The following SLC22A12 variants were observed in gnomAD, a reference collection of about 807,000 sequenced individuals.
The protein encoded by SLC22A12 is organic anion transporter 4-like protein.
In SLC22A12, 56 loss-of-function variants were observed where a neutral mutation model predicts 52.7. That is an observed-to-expected ratio of 1.06 (90% CI 0.86 to 1.33). SLC22A12 has a LOEUF of 1.33. Ranked by LOEUF, SLC22A12 falls within the 40% of genes most tolerant of loss-of-function variation. The pLI is 0.00. For missense variants in SLC22A12, 683 were observed against 741.5 expected, an observed-to-expected ratio of 0.92 and a Z score of 0.92; for synonymous variants, 337 against 324.6, an observed-to-expected ratio of 1.04 and a Z score of -0.41.
Position 64,600,879 on chromosome 11 carries a change from G to T in SLC22A12, c.1539G>T (p.Leu513=). Residue 513 remains leucine (L), a synonymous_variant, in exon 9 of 10, where the codon CTG becomes CTT. Transcript: ENST00000377574. ...CAGTGCTGAGTGGCCTGGCCGCACT[G>T]CTTCTGCCCGAGACCCAGAGCTTGC... The part of the protein sequence containing the change: ...TVPVLSGLAA[L]LLPETQSLPL... The T allele has an allele frequency of 6.2e-7, 1 of 1,609,486 alleles. No homozygotes were observed.
intron 8 of SLC22A12, 78 bp downstream of exon 8, chr11:64,600,553 C>T: frequency 7.2e-7 from 1 of 1,387,370 alleles, no homozygotes; most frequent in South Asian, 1.3e-5. Context: ...ACTGGCTTCT[C>T]CCAGACCTAG....
At position 64,591,338 on chromosome 11, in the gene SLC22A12, C is replaced by T. The variant is rs928266176; in HGVS notation, c.-219C>T. 2.1e-5 allele frequency: 13 copies of T among 615,132 alleles called. No individual in the cohort carries two copies. Among genetic ancestry groups the T allele is most frequent in the Admixed American group, 6.0e-5 (2 of 33,570 alleles). The allele number at this position is 615,132 out of a possible 1,614,324, so 38.1% of individuals were successfully genotyped here. A position where few individuals can be genotyped will look rare whatever the true frequency, so the allele number is the denominator to read the frequency against. Reference sequence around the variant, plus strand: ...CTGGAGGTCTCGGAATCACCTCACGCGGCCTCAGGGCCCAGTTGGAGCCAC... The same window carrying T: ...CTGGAGGTCTCGGAATCACCTCACGTGGCCTCAGGGCCCAGTTGGAGCCAC... On this transcript the variant is annotated 5_prime_UTR_variant, in exon 1 of 10. Transcript: ENST00000377574.
intron 4 of SLC22A12, among the ~76,000 whole-genome samples, chr11:64,596,658 G>A (rs1177690929): frequency 2.0e-5 from 3 of 152,226 alleles, no homozygotes; most frequent in Non-Finnish European, 4.4e-5. Flanking sequence ...TTGGAGTGGA[G>A]TAACAATTTG....
Position 64,591,398 on chromosome 11 carries a change from C to G in SLC22A12, c.-159C>G. ...CACCAGCAGGCAGATGACCAGAGAG[C>G]CTGAGCCTCCGGCCCCGAGTCTGTG... On this transcript the variant is annotated 5_prime_UTR_variant, in exon 1 of 10. Coordinates refer to ENST00000377574, the MANE Select transcript of SLC22A12 (RefSeq NM_144585.4). 1 of 961,706 alleles carries G rather than the reference C, an allele frequency of 1.0e-6. No homozygotes were observed. Among genetic ancestry groups the G allele is most frequent in the Non-Finnish European group, 1.5e-6 (1 of 653,040 alleles). The allele number at this position is 961,706 out of a possible 1,614,324, so 59.6% of individuals were successfully genotyped here. A position where few individuals can be genotyped will look rare whatever the true frequency, so the allele number is the denominator to read the frequency against.
At chr11:64,592,297 C>A (rs2135441209) in intron 1 of SLC22A12, among the ~76,000 whole-genome samples, 1 of 152,306 alleles carries the variant, frequency 6.6e-6, no homozygotes, top group Non-Finnish European at 1.5e-5. Flanking sequence ...GACTCAGTGA[C>A]AATTCACTGG....
At chr11:64,592,978 C>A in intron 2 of SLC22A12, 96 bp downstream of exon 2, 1 of 1,194,596 alleles carries the variant, frequency 8.4e-7, no homozygotes. Flanking sequence ...CTCACAAAAC[C>A]AAGTCTAGAA....
intron 4 of SLC22A12, among the ~76,000 whole-genome samples, chr11:64,594,053 C>T (rs1325804923): frequency 1.3e-5 from 2 of 152,236 alleles, no homozygotes; most frequent in Non-Finnish European, 2.9e-5. Context: ...TTATTCTTCT[C>T]TTTTCCTCCC....
intron 5 of SLC22A12, 61 bp downstream of exon 5, chr11:64,598,700 C>T: frequency 5.0e-6 from 8 of 1,599,282 alleles, no homozygotes; most frequent in Non-Finnish European, 6.8e-6. Flanking sequence ...CTGCATAGGG[C>T]ACCCTGGGAG....
At chr11:64,595,094 A>AGT (rs2039084106) in intron 4 of SLC22A12, among the ~76,000 whole-genome samples, 2 of 40,070 alleles carry the variant, frequency 5.0e-5, no homozygotes, top group Non-Finnish European at 9.8e-5. Flanking sequence ...ATAGATGGAA[A>AGT]GGATGGATGG....
intron 7 of SLC22A12, 84 bp downstream of exon 7, chr11:64,599,974 T>C: frequency 1.3e-6 from 2 of 1,491,244 alleles, no homozygotes; most frequent in Admixed American, 1.9e-5. Context: ...TTGGAGGTGC[T>C]GGACTAGAGC....
chr11:64,596,827 C>A (rs1677226357), intron 4 of SLC22A12, among the ~76,000 whole-genome samples: 1 of 152,166 alleles, frequency 6.6e-6, no homozygotes, highest in African/African-American at 2.4e-5. Flanking sequence ...TTCCAAGGCA[C>A]CCCTCCTGGT....
chr11:64,594,346 G>A (rs755706669), intron 4 of SLC22A12, among the ~76,000 whole-genome samples: 36 of 152,260 alleles, frequency 2.4e-4, no homozygotes, highest in Non-Finnish European at 4.0e-4. Flanking sequence ...ACAGAGGGCC[G>A]GCATGTGTGG....
chr11:64,593,836 G>A (rs778468095), intron 4 of SLC22A12, 33 bp downstream of exon 4: 2 of 1,596,860 alleles, frequency 1.3e-6, no homozygotes, highest in Non-Finnish European at 1.7e-6. Context: ...CTCCTCAGAG[G>A]AGATCCTGCC....
In SLC22A12 at chr11:64,591,825, G is replaced by A. The variant is rs121907896; in HGVS notation, c.269G>A (p.Arg90His). The A allele has an allele frequency of 1.0e-4, 166 of 1,612,014 alleles. 1 individual carries two copies. In the East Asian group the frequency reaches 2.7e-3, roughly 26 times the overall value. The change falls in exon 1 of 10, where the codon CGC (arginine) becomes CAC (histidine). Residue 90 changes from arginine (R) to histidine (H), a missense_variant. Coordinates refer to ENST00000377574, the MANE Select transcript of SLC22A12 (RefSeq NM_144585.4). Reference protein sequence around the residue: ...GPNQRPHQCRRFRQPQWQLLD... With the variant: ...GPNQRPHQCRHFRQPQWQLLD... ...AACCAGAGGCCCCACCAGTGCCGCC[G>A]CTTCCGCCAGCCACAGTGGCAGCTC...
At position 64,601,466 on chromosome 11, in the gene SLC22A12, C is replaced by T. The variant is rs752948291; in HGVS notation, c.1599-22C>T. 1.9e-6 allele frequency: 3 copies of T among 1,612,042 alleles called. No homozygotes were observed. In the Admixed American group the frequency reaches 5.0e-5, roughly 27 times the overall value. On this transcript the variant is annotated intron_variant, in intron 9 of 9. Coordinates refer to ENST00000377574, the MANE Select transcript of SLC22A12 (RefSeq NM_144585.4). ...GGGCCACTCCGCACCCCAAGACACA[C>T]CCCCGTGTGCTTCCTGAACAGGGCA...
chr11:64,598,777 G>C (rs2039338645), intron 5 of SLC22A12, 31 bp from the exon 6 acceptor site: 2 of 1,611,626 alleles, frequency 1.2e-6, no homozygotes, highest in Non-Finnish European at 1.7e-6. Context: ...GGCGCCCCCA[G>C]TGCCAACAGC....
intron 6 of SLC22A12, 32 bp from the exon 7 acceptor site, chr11:64,599,644 C>A: frequency 2.4e-6 from 1 of 422,968 alleles, no homozygotes. Flanking sequence ...CACCCCCCAC[C>A]CCCACCCTGA....
Position 64,591,438 on chromosome 11 carries a change from G to C in SLC22A12, c.-119G>C. The stretch of plus-strand genomic sequence containing the variant: ...CCGAGTCTGTGAAGCCTAGCCGCTG[G>C]GCTGGAGAAGCCACTGTGGGCACCA... On this transcript the variant is annotated 5_prime_UTR_variant, in exon 1 of 10. Coordinates refer to ENST00000377574, the MANE Select transcript of SLC22A12 (RefSeq NM_144585.4). The C allele has an allele frequency of 7.3e-7, 1 of 1,370,106 alleles. No individual in the cohort carries two copies. Among genetic ancestry groups the C allele is most frequent in the Non-Finnish European group, 1.0e-6 (1 of 992,024 alleles). The allele number at this position is 1,370,106 out of a possible 1,614,324, so 84.9% of individuals were successfully genotyped here. A position where few individuals can be genotyped will look rare whatever the true frequency, so the allele number is the denominator to read the frequency against.
Position 64,598,902 on chromosome 11 carries a change from C to T in SLC22A12, c.1049C>T (p.Thr350Ile). The T allele has an allele frequency of 6.2e-7, 1 of 1,612,916 alleles. No homozygotes were observed. Among genetic ancestry groups the T allele is most frequent in the East Asian group, 2.2e-5 (1 of 44,878 alleles). ...LLRMPGLRFRTCISTLCWFAF... is the reference protein window; with the variant it reads ...LLRMPGLRFRICISTLCWFAF... ...CGCATGCCCGGACTGCGCTTCCGGA[C>T]CTGTATCTCCACGTTGTGCTGGTAG... Residue 350 changes from threonine to isoleucine, a missense_variant, in exon 6 of 10, where the codon ACC (threonine) becomes ATC (isoleucine). Coordinates refer to ENST00000377574, the MANE Select transcript of SLC22A12 (RefSeq NM_144585.4).
Sources: allele counts gnomAD v4.1 joint callset (sites outside exome capture counted in the v4.1 genomes callset), GRCh38; gene constraint gnomAD v4.1.1; transcripts MANE v1.5; gene names NCBI Gene and HGNC (gene_info 2026-07-23, HGNC 2026-07-21).